Variants in CARD8 observed in about 807,000 individuals in gnomAD.
CARD8 encodes the protein caspase recruitment domain family member 8, also known as caspase recruitment domain-containing protein 8.
A neutral mutation model predicts 53.2 loss-of-function variants in CARD8; 38 were observed. The observed-to-expected ratio is 0.71, with a 90% CI of 0.55 to 0.94. The LOEUF (loss-of-function observed/expected upper bound fraction) is 0.94. Ranked by LOEUF, CARD8 falls within the 40% of genes least tolerant of loss-of-function variation. CARD8 has a pLI of 0.00. For missense variants in CARD8, 561 were observed against 655.5 expected, an observed-to-expected ratio of 0.86 and a Z score of 1.57; for synonymous variants, 245 against 244.9, an observed-to-expected ratio of 1.00 and a Z score of 0.00.
Position 48,230,750 on chromosome 19 carries a change from C to G in CARD8, c.772+27G>C, listed in dbSNP as rs58650907. The G allele has an allele frequency of 8.7e-3, 14,031 of 1,612,908 alleles. 668 individuals carry two copies. In the African/African-American group the frequency reaches 0.12, roughly 14 times the overall value. ...GAGACGGCACGCACCCCAGCGGCCC[C>G]CACAGCCTCCGCTCACCCCACATTA... On this transcript the variant is annotated intron_variant, in intron 9 of 13. Transcript: ENST00000651546.
At chr19:48,206,844 A>G (rs1041308830), downstream of CARD8, among the ~76,000 whole-genome samples, 1 of 152,162 alleles carries the variant, frequency 6.6e-6, no homozygotes, top group African/African-American at 2.4e-5. Flanking sequence ...AGGACCTTCC[A>G]TAGGGTAACA....
intron 4 of CARD8, 81 bp downstream of exon 4, chr19:48,240,881 G>C (rs911346329): frequency 1.9e-6 from 2 of 1,075,102 alleles, no homozygotes; most frequent in Non-Finnish European, 2.7e-6. Flanking sequence ...AAACATCCAT[G>C]GTCCTCTGTA....
chr19:48,218,984 C>T lies in CARD8; in HGVS notation c.1190G>A (p.Gly397Glu). 6.2e-7 allele frequency: 1 copy of T among 1,614,010 alleles called. No homozygotes were observed. The highest frequency in any genetic ancestry group is 1.1e-5 in the South Asian group (1 of 91,072). ...KELKLSYRSP[G>E]EIQHFSKFYA... Reference sequence around the variant, plus strand: ...GAATTTTGAGAAGTGCTGAATTTCTCCAGGGCTCCTGTAGGACAATTTCAA... The same window carrying T: ...GAATTTTGAGAAGTGCTGAATTTCTTCAGGGCTCCTGTAGGACAATTTCAA... The change falls in exon 12 of 14, where the codon GGA (glycine) becomes GAA (glutamate). Residue 397 changes from glycine (G) to glutamate (E), a missense_variant. Transcript: ENST00000651546.
intron 4 of CARD8, among the ~76,000 whole-genome samples, chr19:48,240,694 A>G (rs1209620003): frequency 2.0e-5 from 3 of 151,780 alleles, no homozygotes; most frequent in Non-Finnish European, 4.4e-5. Flanking sequence ...GCTTGAACCC[A>G]GGAGGCAGAG....
In CARD8 at chr19:48,209,667, C is replaced by A. The variant is rs566468252; in HGVS notation, c.*2043G>T. On this transcript the variant is annotated 3_prime_UTR_variant, in exon 14 of 14. Coordinates refer to ENST00000651546, the MANE Select transcript of CARD8 (RefSeq NM_001184900.3). ...AATATTGATTGATTCAACATAAATACTATGGTTTATTTCTAGATGGCAAGG... is the reference window on the plus strand; with the variant it reads ...AATATTGATTGATTCAACATAAATAATATGGTTTATTTCTAGATGGCAAGG... 1 of 152,242 alleles carries A rather than the reference C, an allele frequency of 6.6e-6. No individual in the cohort carries two copies. The highest frequency in any genetic ancestry group is 1.9e-4 in the East Asian group (1 of 5,216). 9.4% of individuals were successfully genotyped at this position (152,242 alleles called of 1,614,324 possible). A position where few individuals can be genotyped will look rare whatever the true frequency, so the allele number is the denominator to read the frequency against.
At chr19:48,243,765 C>T (rs2045629226) in intron 3 of CARD8, among the ~76,000 whole-genome samples, 1 of 152,188 alleles carries the variant, frequency 6.6e-6, no homozygotes, top group Non-Finnish European at 1.5e-5. Context: ...GTGACAGGAT[C>T]CCTTGATCCC....
chr19:48,246,203 T>C (rs981328194), intron 3 of CARD8, among the ~76,000 whole-genome samples: 5 of 152,214 alleles, frequency 3.3e-5, no homozygotes, highest in Non-Finnish European at 7.3e-5. Context: ...TGGATTTCTT[T>C]GATGTTTTCT....
chr19:48,224,982 T>G (rs2041460800), intron 10 of CARD8, among the ~76,000 whole-genome samples: 1 of 151,484 alleles, frequency 6.6e-6, no homozygotes, highest in Non-Finnish European at 1.5e-5. Flanking sequence ...CTCGATCTCC[T>G]GCCCTCGTGA....
At chr19:48,253,438 T>C (rs562800761) in intron 1 of CARD8, among the ~76,000 whole-genome samples, 2 of 152,258 alleles carry the variant, frequency 1.3e-5, no homozygotes, top group South Asian at 4.1e-4. Flanking sequence ...GTGGGGCCAC[T>C]TCCCCACCCC....
At chr19:48,230,400 T>A in intron 10 of CARD8, 38 bp downstream of exon 10, 1 of 1,555,454 alleles carries the variant, frequency 6.4e-7, no homozygotes. Flanking sequence ...GGAAATATAA[T>A]CGTCATCTTC....
At position 48,221,854 on chromosome 19, in the gene CARD8, G is replaced by A. The variant is rs1205153080; in HGVS notation, c.1037C>T (p.Ala346Val). Residue 346 changes from alanine to valine, a missense_variant and splice_region_variant, in exon 11 of 14, where the codon GCG (alanine) becomes GTG (valine). Transcript: ENST00000651546. The part of the protein sequence containing the change: ...LVPSDALLTK[A>V]IDDEEDRFHG... ...GAAGCGATCTTCCTCATCATCTATCGCCTAAGGAAGAAGGGGCAGAAACAT... is the reference window on the plus strand; with the variant it reads ...GAAGCGATCTTCCTCATCATCTATCACCTAAGGAAGAAGGGGCAGAAACAT... The A allele has an allele frequency of 1.2e-5, 19 of 1,589,798 alleles. No individual in the cohort carries two copies. Among genetic ancestry groups the A allele is most frequent in the East Asian group, 4.5e-5 (2 of 44,594 alleles).
Position 48,231,793 on chromosome 19 carries a change from C to A in CARD8, c.409G>T (p.Glu137Ter). ...GCATAAGAGGAAACTATTTGATTCT[C>A]TTCTGAGCAAATGTCTCCTGAAAAG... ...GQDSGDICSE[E>*]NQIVSSYASK... Residue 137 changes from glutamate to a stop codon, truncating the protein, a stop_gained, in exon 8 of 14, where the codon GAG (glutamate) becomes TAG (stop). Transcript: ENST00000651546. LOFTEE classifies it high-confidence loss of function. The A allele has an allele frequency of 6.2e-7, 1 of 1,613,918 alleles. No individual in the cohort carries two copies. Among genetic ancestry groups the A allele is most frequent in the Non-Finnish European group, 8.5e-7 (1 of 1,179,902 alleles).
chr19:48,244,334 G>A (rs911554790), intron 3 of CARD8, among the ~76,000 whole-genome samples: 5 of 152,198 alleles, frequency 3.3e-5, no homozygotes, highest in African/African-American at 1.2e-4. Flanking sequence ...TCCATTTTCA[G>A]AATAATGAGG....
At chr19:48,212,042 G>A (rs2038085592) in intron 13 of CARD8, 67 bp from the exon 14 acceptor site, 2 of 1,481,638 alleles carry the variant, frequency 1.3e-6, no homozygotes, top group South Asian at 2.6e-5. Context: ...TCTATACCAA[G>A]CTTAGAGTCA....
intron 11 of CARD8, among the ~76,000 whole-genome samples, chr19:48,219,751 C>A (rs747966490): frequency 6.6e-6 from 1 of 152,090 alleles, no homozygotes; most frequent in Non-Finnish European, 1.5e-5. Context: ...TGACCGATTG[C>A]TTGAGGTCAG....
At chr19:48,229,735 G>C (rs2042483453) in intron 10 of CARD8, among the ~76,000 whole-genome samples, 1 of 152,230 alleles carries the variant, frequency 6.6e-6, no homozygotes, top group Admixed American at 6.5e-5. Context: ...AAGTGCATTA[G>C]AGGGAGATGC....
Position 48,230,468 on chromosome 19 carries a change from G to T in CARD8, c.1005C>A (p.Tyr335Ter). 6.2e-7 allele frequency: 1 copy of T among 1,613,236 alleles called. No individual in the cohort carries two copies. Residue 335 changes from tyrosine to a stop codon, truncating the protein, a stop_gained, in exon 10 of 14, where the codon TAC becomes TAA. Transcript: ENST00000651546. LOFTEE classifies it high-confidence loss of function. ...TTAGCAAGGCGTCGCTGGGGACAAG[G>T]TACAAGTGGAACTTAATATCTTCGG... ...PHPEDIKFHL[Y>*]LVPSDALLTK...
At chr19:48,247,984 T>C (rs1196695992) in intron 3 of CARD8, among the ~76,000 whole-genome samples, 1 of 152,146 alleles carries the variant, frequency 6.6e-6, no homozygotes, top group African/African-American at 2.4e-5. Flanking sequence ...GAAAACATTT[T>C]CATATTGCAT....
At chr19:48,248,460 A>C (rs2046461191) in intron 3 of CARD8, among the ~76,000 whole-genome samples, 1 of 152,268 alleles carries the variant, frequency 6.6e-6, no homozygotes, top group Admixed American at 6.5e-5. Context: ...AGGAATCAAA[A>C]GGATAAAACA....
Sources: allele counts gnomAD v4.1 joint callset (sites outside exome capture counted in the v4.1 genomes callset), GRCh38; gene constraint gnomAD v4.1.1; transcripts MANE v1.5; gene names NCBI Gene and HGNC (gene_info 2026-07-23, HGNC 2026-07-21).